Variants in HTR1F observed in about 807,000 individuals in gnomAD.
HTR1F encodes 5-hydroxytryptamine receptor 1F, also known as 5-hydroxytryptamine (serotonin) receptor 1F, G protein-coupled.
A neutral mutation model predicts 24.0 loss-of-function variants in HTR1F; 17 were observed. The ratio of observed to expected loss-of-function variants is 0.71; its 90% CI spans 0.48 to 1.06. The LOEUF is 1.06. HTR1F is among the 50% of genes least tolerant of loss of function. The probability of loss-of-function intolerance (pLI) is 0.00; values close to 1 mark genes in which losing one functional copy is unlikely to be tolerated. For missense variants in HTR1F, 391 were observed against 427.8 expected (o/e 0.91, Z 0.76); for synonymous variants, 186 against 156.8 (o/e 1.19, Z -1.39).
chr3:87,840,777 C>T (rs1422843112), intron 2 of HTR1F, among the ~76,000 whole-genome samples: 1 of 151,868 alleles, frequency 6.6e-6, no homozygotes, highest in Non-Finnish European at 1.5e-5. Flanking sequence ...CTGTCATTTG[C>T]AACAACATGG....
chr3:87,974,893 T>C (rs1705361866), intron 2 of HTR1F, among the ~76,000 whole-genome samples: 1 of 152,226 alleles, frequency 6.6e-6, no homozygotes, highest in Admixed American at 6.5e-5. Flanking sequence ...GTTTAGCATT[T>C]ATGTTCTCCA....
chr3:87,924,040 A>C (rs762703288), intron 2 of HTR1F, among the ~76,000 whole-genome samples: 14 of 152,002 alleles, frequency 9.2e-5, no homozygotes, highest in Non-Finnish European at 1.8e-4. Flanking sequence ...CAACTGTTTG[A>C]TTTTTTGAAA....
intron 2 of HTR1F, among the ~76,000 whole-genome samples, chr3:87,974,984 C>T (rs1377376177): frequency 6.6e-6 from 1 of 152,100 alleles, no homozygotes. Context: ...AATCCATCAT[C>T]CTTTAACCAT....
intron 2 of HTR1F, among the ~76,000 whole-genome samples, chr3:87,955,472 T>C (rs1704923906): frequency 6.6e-6 from 1 of 151,460 alleles, no homozygotes; most frequent in Admixed American, 6.6e-5. Context: ...TTGTTTCTAG[T>C]TTGAGGCTAT....
chr3:87,919,080 G>A (rs925519798), intron 2 of HTR1F, among the ~76,000 whole-genome samples: 2 of 151,922 alleles, frequency 1.3e-5, no homozygotes, highest in African/African-American at 4.8e-5. Flanking sequence ...AATGCTTACA[G>A]CCAACTGATC....
At chr3:87,946,599 ATGTGTG>A (rs146000112) in intron 2 of HTR1F, among the ~76,000 whole-genome samples, 1 of 141,970 alleles carries the variant, frequency 7.0e-6, no homozygotes, top group African/African-American at 2.6e-5. Context: ...ATTTACATAT[ATGTGTG>A]TGTGTGTATA....
intron 2 of HTR1F, among the ~76,000 whole-genome samples, chr3:87,835,448 C>G (rs930448934): frequency 6.6e-6 from 1 of 152,160 alleles, no homozygotes; most frequent in African/African-American, 2.4e-5. Flanking sequence ...TTCGATGAAG[C>G]CAGATTACAA....
At chr3:87,975,584 G>T (rs543832475) in intron 2 of HTR1F, among the ~76,000 whole-genome samples, 9 of 151,926 alleles carry the variant, frequency 5.9e-5, no homozygotes, top group Non-Finnish European at 1.2e-4. Flanking sequence ...GAAGAAACAA[G>T]ATATTTTATT....
chr3:87,946,642 T>TTTTTG (rs61305370), intron 2 of HTR1F, among the ~76,000 whole-genome samples: 2 of 139,038 alleles, frequency 1.4e-5, no homozygotes, highest in Admixed American at 7.2e-5. Context: ...TTTTTTTTTT[T>TTTTTG]AAACAGTCTC....
chr3:87,832,614 C>T (rs953444156), intron 2 of HTR1F, among the ~76,000 whole-genome samples: 3 of 152,110 alleles, frequency 2.0e-5, no homozygotes, highest in African/African-American at 7.2e-5. Context: ...AGGCGTGAGC[C>T]ACCGCGCCCA....
chr3:87,855,103 G>A (rs140750512), intron 2 of HTR1F, among the ~76,000 whole-genome samples: 2 of 152,018 alleles, frequency 1.3e-5, no homozygotes, highest in African/African-American at 2.4e-5. Context: ...CACTTGCCCA[G>A]TCAATAATGG....
At chr3:87,924,868 A>G (rs1272379855) in intron 2 of HTR1F, among the ~76,000 whole-genome samples, 2 of 152,054 alleles carry the variant, frequency 1.3e-5, no homozygotes, top group African/African-American at 4.8e-5. Context: ...GGTTCAATCT[A>G]TTGCAGAATT....
intron 2 of HTR1F, among the ~76,000 whole-genome samples, chr3:87,904,037 C>G (rs1177628849): frequency 6.6e-6 from 1 of 152,004 alleles, no homozygotes; most frequent in East Asian, 1.9e-4. Flanking sequence ...AAAAGAATAT[C>G]CAGTTAAACA....
In HTR1F at chr3:87,944,767, C is replaced by T. The variant is rs542282217; in HGVS notation, c.-42-45941C>T. Among the ~76,000 whole-genome samples the T allele has an allele frequency of 3.9e-3, 597 of 152,284 alleles. 3 individuals carry two copies. The highest frequency in any genetic ancestry group is 0.013 in the African/African-American group (547 of 41,558). On this transcript the variant is annotated intron_variant, in intron 2 of 2. Coordinates refer to ENST00000319595, the MANE Select transcript of HTR1F (RefSeq NM_001322209.2). ...GAGGTTTCCTCTAAAAGTTACTTCT[C>T]TACTTTCTTCTGTTAGCAAAGCAGT...
chr3:87,841,883 A>G (rs1370767443), intron 2 of HTR1F, among the ~76,000 whole-genome samples: 1 of 143,912 alleles, frequency 6.9e-6, no homozygotes, highest in African/African-American at 2.6e-5. Flanking sequence ...CTGGGCAACA[A>G]GAGTGAGATT....
At chr3:87,860,601 C>T (rs1705297143) in intron 2 of HTR1F, among the ~76,000 whole-genome samples, 2 of 152,134 alleles carry the variant, frequency 1.3e-5, no homozygotes, top group African/African-American at 2.4e-5. Context: ...TTTTCCCTCT[C>T]GTCATCAGTG....
At chr3:87,942,291 C>T (rs1464942898) in intron 2 of HTR1F, among the ~76,000 whole-genome samples, 1 of 152,100 alleles carries the variant, frequency 6.6e-6, no homozygotes, top group Non-Finnish European at 1.5e-5. Flanking sequence ...TATCTAGTGA[C>T]TGGCTGTCCT....
chr3:87,854,915 A>ATTT (rs947588470), intron 2 of HTR1F, among the ~76,000 whole-genome samples: 1 of 151,152 alleles, frequency 6.6e-6, no homozygotes, highest in Non-Finnish European at 1.5e-5. Context: ...TGTTTTAAAT[A>ATTT]TTTTTTGTTG....
At chr3:87,903,428 GA>G (rs1706378871) in intron 2 of HTR1F, among the ~76,000 whole-genome samples, 1 of 151,968 alleles carries the variant, frequency 6.6e-6, no homozygotes, top group South Asian at 2.1e-4. Flanking sequence ...CAAAGTTACA[GA>G]AAAAAACAAA....
Sources: gnomAD v4.1 joint callset for allele counts (sites outside exome capture counted in the v4.1 genomes callset) on GRCh38, gnomAD v4.1.1 for gene constraint, MANE v1.5 for transcripts, NCBI Gene and HGNC (gene_info 2026-07-23, HGNC 2026-07-21) for gene names.